FGF14: variants seen among roughly 807,000 people sequenced by gnomAD.
FGF14 encodes the protein fibroblast growth factor 14, also known as fibroblast growth factor homologous factor 4.
FGF14 carries 5 observed loss-of-function variants against 25.5 expected under a neutral mutation model. The ratio of observed to expected loss-of-function variants is 0.20; its 90% CI spans 0.10 to 0.41. The LOEUF (loss-of-function observed/expected upper bound fraction) is 0.41. Ranked by LOEUF, FGF14 falls within the 10% of genes least tolerant of loss-of-function variation. The pLI is 1.00. For synonymous variants in FGF14, 138 were observed against 118.3 expected (o/e 1.17, Z -1.08); for missense variants, 222 against 320.1 (o/e 0.69, Z 2.34).
chr13:102,173,997 C>A (rs2048344355), intron 1 of FGF14, among the ~76,000 whole-genome samples: 1 of 152,030 alleles, frequency 6.6e-6, no homozygotes, highest in African/African-American at 2.4e-5. Flanking sequence ...AGGAGAATGT[C>A]AAATTATCTC....
At position 101,714,254 on chromosome 13, in the gene FGF14, C is replaced by A. The variant is rs1378958274; in HGVS notation, c.*8577G>T. ...TGTCTAGATCCATAATGAAGGCTTT[C>A]CTGGGTGACCTTTATGAATTACAGT... is the stretch of plus-strand genomic sequence containing the variant. On this transcript the variant is annotated 3_prime_UTR_variant, in exon 5 of 5. Transcript: ENST00000376143. 6 of 592,792 alleles carry A rather than the reference C, an allele frequency of 1.0e-5. No individual in the cohort carries two copies. Among genetic ancestry groups the A allele is most frequent in the Non-Finnish European group, 1.5e-5 (5 of 331,914 alleles). 36.7% of individuals were successfully genotyped at this position (592,792 alleles called of 1,614,324 possible).
At chr13:102,385,033 C>T (rs2058269162) in intron 1 of FGF14, among the ~76,000 whole-genome samples, 1 of 152,180 alleles carries the variant, frequency 6.6e-6, no homozygotes, top group African/African-American at 2.4e-5. Context: ...CAACTATTGT[C>T]AAGTATGTCT....
intron 3 of FGF14, among the ~76,000 whole-genome samples, chr13:101,861,235 A>G (rs1175484122): frequency 6.6e-6 from 1 of 152,110 alleles, no homozygotes. Flanking sequence ...TTCTAGGATC[A>G]ATGAGCTTCA....
At chr13:102,149,547 A>T (rs1676301804) in intron 1 of FGF14, among the ~76,000 whole-genome samples, 1 of 152,252 alleles carries the variant, frequency 6.6e-6, no homozygotes, top group Admixed American at 6.5e-5. Flanking sequence ...GAAAACATTA[A>T]TACAAAGACT....
At chr13:101,919,618 T>C (rs2033847152), upstream of FGF14, among the ~76,000 whole-genome samples, 1 of 151,950 alleles carries the variant, frequency 6.6e-6, no homozygotes, top group Non-Finnish European at 1.5e-5. Context: ...CAGCCTGACA[T>C]TCAGCACCGC....
At position 102,169,625 on chromosome 13, in the gene FGF14, C is replaced by T. The variant is rs149508468; in HGVS notation, c.208+231846G>A. 3.9e-3 allele frequency among the ~76,000 whole-genome samples: 587 copies of T among 152,236 alleles called. 8 individuals carry two copies. In the South Asian group the frequency reaches 0.045, roughly 12 times the overall value. ...GAACCATATTTGCAAATTTACAGGACTGTATGAAGATGCGCACATGTTAAA... is the reference window on the plus strand; with the variant it reads ...GAACCATATTTGCAAATTTACAGGATTGTATGAAGATGCGCACATGTTAAA... On this transcript the variant is annotated intron_variant, in intron 1 of 4. Coordinates refer to the FGF14 transcript ENST00000376131.
At position 101,712,225 on chromosome 13, in the gene FGF14, AAC is replaced by A. The variant is rs1334006650; in HGVS notation, c.*10604_*10605del. 18 of 152,248 alleles carry A rather than the reference AAC, an allele frequency of 1.2e-4. No homozygotes were observed. The highest frequency in any genetic ancestry group is 1.2e-3 in the Admixed American group (18 of 15,292). 9.4% of individuals were successfully genotyped at this position (152,248 alleles called of 1,614,324 possible). On this transcript the variant is annotated 3_prime_UTR_variant, in exon 5 of 5. Transcript: ENST00000376143. The stretch of plus-strand genomic sequence containing the variant: ...TGAGCATTGACAAACAGGAAAGAAT[AAC>A]ACAGCTGGGAAAATGCTGACCTAGA...
chr13:102,318,993 G>C (rs754515993), intron 1 of FGF14, among the ~76,000 whole-genome samples: 6 of 152,160 alleles, frequency 3.9e-5, no homozygotes, highest in African/African-American at 9.7e-5. Flanking sequence ...GATCACCATT[G>C]AGCATTGAAG....
chr13:102,324,087 GA>G (rs1464258038), intron 1 of FGF14, among the ~76,000 whole-genome samples: 3 of 151,626 alleles, frequency 2.0e-5, no homozygotes, highest in Admixed American at 2.0e-4. Flanking sequence ...GATTTTATGG[GA>G]AAAAGAAAGC....
intron 1 of FGF14, among the ~76,000 whole-genome samples, chr13:101,925,653 C>A (rs1319075665): frequency 2.0e-5 from 3 of 152,214 alleles, no homozygotes; most frequent in African/African-American, 7.2e-5. Flanking sequence ...CTAGTTTCTA[C>A]TTTGTATGTA....
intron 1 of FGF14, among the ~76,000 whole-genome samples, chr13:101,936,722 T>C (rs1365675269): frequency 1.3e-5 from 2 of 152,182 alleles, no homozygotes. Context: ...TGCTATTTGT[T>C]CACTATCTTC....
At chr13:102,181,139 A>C (rs1437120184) in intron 1 of FGF14, among the ~76,000 whole-genome samples, 1 of 152,168 alleles carries the variant, frequency 6.6e-6, no homozygotes, top group Admixed American at 6.6e-5. Flanking sequence ...TTGATGATAA[A>C]GAAAGCTAAT....
At chr13:102,266,038 A>G (rs942297703) in intron 1 of FGF14, among the ~76,000 whole-genome samples, 2 of 152,140 alleles carry the variant, frequency 1.3e-5, no homozygotes, top group Admixed American at 1.3e-4. Context: ...TAAGAAGACT[A>G]TTGCAAAATA....
At chr13:101,767,411 C>G (rs561891364) in intron 3 of FGF14, among the ~76,000 whole-genome samples, 32 of 152,126 alleles carry the variant, frequency 2.1e-4, no homozygotes, top group African/African-American at 7.5e-4. Context: ...AGGTTGAAAG[C>G]TACCGATATA....
chr13:102,337,539 C>G (rs908734267), intron 1 of FGF14, among the ~76,000 whole-genome samples: 1 of 151,992 alleles, frequency 6.6e-6, no homozygotes, highest in Non-Finnish European at 1.5e-5. Flanking sequence ...TGTAGCATAT[C>G]CCATAAACTT....
intron 1 of FGF14, among the ~76,000 whole-genome samples, chr13:102,108,946 T>C (rs1033104856): frequency 1.3e-5 from 2 of 151,724 alleles, no homozygotes; most frequent in African/African-American, 4.8e-5. Flanking sequence ...ATCTGACTTA[T>C]CTTTTAGATC....
chr13:102,174,910 A>G (rs1244942958), intron 1 of FGF14, among the ~76,000 whole-genome samples: 1 of 152,106 alleles, frequency 6.6e-6, no homozygotes, highest in East Asian at 1.9e-4. Context: ...TACTGCCAGT[A>G]TCTAAAATAA....
At chr13:102,103,475 T>TTG (rs397766248) in intron 1 of FGF14, among the ~76,000 whole-genome samples, 1 of 151,714 alleles carries the variant, frequency 6.6e-6, no homozygotes, top group Non-Finnish European at 1.5e-5. Context: ...TGATTTTTTT[T>TTG]GTCTAATGGT....
At chr13:102,339,321 C>A (rs2056882690) in intron 1 of FGF14, among the ~76,000 whole-genome samples, 1 of 151,902 alleles carries the variant, frequency 6.6e-6, no homozygotes, top group Admixed American at 6.6e-5. Flanking sequence ...CATAAACAAA[C>A]AAACATAAAG....
Sources: allele counts gnomAD v4.1 joint callset (sites outside exome capture counted in the v4.1 genomes callset), GRCh38; gene constraint gnomAD v4.1.1; transcripts MANE v1.5; gene names NCBI Gene and HGNC (gene_info 2026-07-23, HGNC 2026-07-21).